The following CACNA2D2 variants were observed in gnomAD, a reference collection of about 807,000 sequenced individuals.
CACNA2D2 encodes calcium voltage-gated channel auxiliary subunit alpha2delta 2.
CACNA2D2 carries 48 observed loss-of-function variants against 166.4 expected under a neutral mutation model. The observed-to-expected ratio is 0.29, with a 90% CI of 0.23 to 0.37. The LOEUF is 0.37. Among genes scored for constraint, CACNA2D2 ranks in the 10% least tolerant of loss-of-function variants. CACNA2D2 has a pLI of 1.00. For synonymous variants in CACNA2D2, 561 were observed against 573.7 expected, an observed-to-expected ratio of 0.98 and a Z score of 0.32; for missense variants, 1,122 against 1,433.0, an observed-to-expected ratio of 0.78 and a Z score of 3.50.
At chr3:50,486,275 T>G (rs1248516514) in intron 1 of CACNA2D2, among the ~76,000 whole-genome samples, 1 of 152,134 alleles carries the variant, frequency 6.6e-6, no homozygotes, top group African/African-American at 2.4e-5. Context: ...AGCCTTCTGT[T>G]CCTGCCCCAC....
intron 1 of CACNA2D2, among the ~76,000 whole-genome samples, chr3:50,476,422 G>C (rs2107092398): frequency 6.6e-6 from 1 of 152,364 alleles, no homozygotes; most frequent in South Asian, 2.1e-4. Context: ...GCGAGGAGGA[G>C]AGAGGATTGC....
At chr3:50,422,708 A>C (rs1316260295) in intron 3 of CACNA2D2, among the ~76,000 whole-genome samples, 1 of 152,138 alleles carries the variant, frequency 6.6e-6, no homozygotes, top group African/African-American at 2.4e-5. Flanking sequence ...TGGGGAGAAA[A>C]AGGAAATCAC....
chr3:50,496,789 G>C (rs1035861108), intron 1 of CACNA2D2, among the ~76,000 whole-genome samples: 5 of 152,146 alleles, frequency 3.3e-5, no homozygotes, highest in Non-Finnish European at 7.3e-5. Flanking sequence ...CAGCTGTTGA[G>C]AGGTGTGGCA....
In CACNA2D2 at chr3:50,365,206, G is replaced by C. The variant is rs1461812908; in HGVS notation, c.3099-22C>G. On this transcript the variant is annotated intron_variant, in intron 35 of 37. Coordinates refer to ENST00000424201, the MANE Select transcript of CACNA2D2 (RefSeq NM_006030.4). This position sits in a 1 kb window ranked among gnomAD's most constrained non-coding sequence, Gnocchi z 4.5. ...CAGCCTGCGGGCAGCCCGGAAAGGC[G>C]GGGCGTTGAGTTTGCCCCGCCCTGA... 3.7e-6 allele frequency: 6 copies of C among 1,610,328 alleles called. No individual in the cohort carries two copies. Among genetic ancestry groups the C allele is most frequent in the African/African-American group, 1.3e-5 (1 of 74,826 alleles).
chr3:50,383,895 G>A (rs918186825), intron 6 of CACNA2D2, among the ~76,000 whole-genome samples: 3 of 152,202 alleles, frequency 2.0e-5, no homozygotes, highest in Non-Finnish European at 4.4e-5. Context: ...TGTGGGGAAC[G>A]GTCTCTGTGT....
intron 2 of CACNA2D2, among the ~76,000 whole-genome samples, chr3:50,449,067 G>T (rs530888104): frequency 6.6e-6 from 1 of 152,220 alleles, no homozygotes; most frequent in Non-Finnish European, 1.5e-5. Flanking sequence ...ATCTTTCTCT[G>T]AACACTAAAA....
rs9863857 is a variant in CACNA2D2 at position 50,462,275 on chromosome 3, G to A, written c.288+13843C>T. 9.2e-3 allele frequency among the ~76,000 whole-genome samples: 1,403 copies of A among 151,954 alleles called. 15 individuals are homozygous for A. Among genetic ancestry groups the A allele is most frequent in the East Asian group, 0.048 (249 of 5,148 alleles). ...GTGGTGGTGCGTGCCTGAATTCCCAGCTACTGGGGGGCTCAGGCAGGAGAA... is the reference window on the plus strand; with the variant it reads ...GTGGTGGTGCGTGCCTGAATTCCCAACTACTGGGGGGCTCAGGCAGGAGAA... On this transcript the variant is annotated intron_variant, in intron 2 of 37. Transcript: ENST00000424201.
intron 3 of CACNA2D2, among the ~76,000 whole-genome samples, chr3:50,419,029 G>A (rs1421706281): frequency 6.6e-6 from 1 of 152,172 alleles, no homozygotes; most frequent in Non-Finnish European, 1.5e-5. Flanking sequence ...CAGAGGAGTG[G>A]GGGAGGTGAG....
intron 2 of CACNA2D2, among the ~76,000 whole-genome samples, chr3:50,470,572 A>AGT (rs1226552315): frequency 1.2e-5 from 1 of 82,110 alleles, no homozygotes; most frequent in Non-Finnish European, 2.3e-5. Flanking sequence ...CCAGCAACAG[A>AGT]GTGTGTGTGT....
chr3:50,458,651 C>G (rs925386763), intron 2 of CACNA2D2, among the ~76,000 whole-genome samples: 1 of 152,220 alleles, frequency 6.6e-6, no homozygotes, highest in Non-Finnish European at 1.5e-5. Flanking sequence ...CCCCAAACTC[C>G]CTGGCACGAC....
chr3:50,385,676 GCCACCCATCTGC>G (rs1705564228), intron 5 of CACNA2D2, among the ~76,000 whole-genome samples: 1 of 152,182 alleles, frequency 6.6e-6, no homozygotes, highest in Non-Finnish European at 1.5e-5. Flanking sequence ...TCCGCAGTGT[GCCACCCATCTGC>G]CCACCCCTGG....
intron 4 of CACNA2D2, among the ~76,000 whole-genome samples, chr3:50,391,454 C>T (rs148115848): frequency 0.013 from 1,929 of 152,320 alleles, 21 homozygotes; most frequent in Non-Finnish European, 0.021. Flanking sequence ...CTTCATCTAT[C>T]CTAAGTGTTA....
intron 3 of CACNA2D2, among the ~76,000 whole-genome samples, chr3:50,400,870 T>C (rs184259957): frequency 6.6e-6 from 1 of 152,314 alleles, no homozygotes; most frequent in East Asian, 1.9e-4. Flanking sequence ...AGACAAGGTC[T>C]CTCTATGTTG....
chr3:50,382,431 T>C (rs924316280), intron 6 of CACNA2D2, among the ~76,000 whole-genome samples: 1 of 152,172 alleles, frequency 6.6e-6, no homozygotes, highest in African/African-American at 2.4e-5. Context: ...ACTGACACAC[T>C]CTGGGGCACT....
intron 3 of CACNA2D2, among the ~76,000 whole-genome samples, chr3:50,400,240 G>C (rs1706379406): frequency 6.6e-6 from 1 of 152,224 alleles, no homozygotes; most frequent in African/African-American, 2.4e-5. Context: ...CTGACAGTAG[G>C]GGCAGAAGTG....
At chr3:50,434,284 GC>G (rs1559943697) in intron 3 of CACNA2D2, 28 bp downstream of exon 3, 9 of 1,522,166 alleles carry the variant, frequency 5.9e-6, no homozygotes, top group East Asian at 2.3e-5. Flanking sequence ...CCTCAGTGCC[GC>G]CCCCCTGCCC....
chr3:50,502,721 C>G (rs1274466108), intron 1 of CACNA2D2, among the ~76,000 whole-genome samples: 1 of 152,238 alleles, frequency 6.6e-6, no homozygotes, highest in African/African-American at 2.4e-5. Flanking sequence ...CATCAGCATA[C>G]AGCTCCCCAC....
Position 50,436,973 on chromosome 3 carries a change from T to G in CACNA2D2, c.289-2544A>C, listed in dbSNP as rs992954709. Among the ~76,000 whole-genome samples, 8 of 152,300 alleles carry G rather than the reference T, an allele frequency of 5.3e-5. No homozygotes were observed. In the East Asian group the frequency reaches 7.7e-4, roughly 15 times the overall value. ...AGCCTAGACACTGGGACGCCACTGA[T>G]AGGGCACAGCCATGGCCAGCTTCCT... On this transcript the variant is annotated intron_variant, in intron 2 of 37. Transcript: ENST00000424201.
At chr3:50,386,841 G>A (rs753850814) in intron 5 of CACNA2D2, among the ~76,000 whole-genome samples, 25 of 152,184 alleles carry the variant, frequency 1.6e-4, no homozygotes, top group Non-Finnish European at 2.8e-4. Context: ...CTTAAAGTCA[G>A]GCAGAGGGTC....
Sources: allele counts gnomAD v4.1 joint callset (sites outside exome capture counted in the v4.1 genomes callset), GRCh38; gene constraint gnomAD v4.1.1; non-coding constraint Gnocchi (gnomAD v3.1); transcripts MANE v1.5; gene names NCBI Gene and HGNC (gene_info 2026-07-23, HGNC 2026-07-21).